The following AGBL4 variants were observed in gnomAD, a reference collection of about 807,000 sequenced individuals.
The protein encoded by AGBL4 is AGBL carboxypeptidase 4.
A neutral mutation model predicts 66.4 loss-of-function variants in AGBL4; 58 were observed. The ratio of observed to expected loss-of-function variants is 0.87; its 90% CI spans 0.71 to 1.09. The LOEUF is 1.09. Among genes scored for constraint, AGBL4 ranks in the 50% least tolerant of loss-of-function variants. The probability of loss-of-function intolerance (pLI) is 0.00; values close to 1 mark genes in which losing one functional copy is unlikely to be tolerated. For synonymous variants in AGBL4, 234 were observed against 222.9 expected (o/e 1.05, Z -0.44); for missense variants, 579 against 631.0 (o/e 0.92, Z 0.88).
In AGBL4 at chr1:48,944,687, A is replaced by G. The variant is rs183249505; in HGVS notation, c.595-77457T>C. Among the ~76,000 whole-genome samples the G allele has an allele frequency of 2.9e-3, 443 of 152,034 alleles. 2 individuals carry two copies. The highest frequency in any genetic ancestry group is 0.01 in the African/African-American group (424 of 41,468). Reference sequence around the variant, plus strand: ...TGTTTTCTGCAAACTGCCCCCCGCAACCCTTCTCCTACCCCCAGGGGATTC... The same window carrying G: ...TGTTTTCTGCAAACTGCCCCCCGCAGCCCTTCTCCTACCCCCAGGGGATTC... On this transcript the variant is annotated intron_variant, in intron 5 of 13. Coordinates refer to ENST00000371839, the MANE Select transcript of AGBL4 (RefSeq NM_032785.4).
intron 5 of AGBL4, among the ~76,000 whole-genome samples, chr1:48,945,452 A>C (rs978184838): frequency 2.0e-5 from 3 of 152,158 alleles, no homozygotes; most frequent in Non-Finnish European, 4.4e-5. Context: ...CATTTGCCCA[A>C]ACACCTGGGG....
intron 2 of AGBL4, among the ~76,000 whole-genome samples, chr1:49,829,276 G>A (rs1015667911): frequency 3.3e-5 from 5 of 152,140 alleles, no homozygotes; most frequent in South Asian, 4.1e-4. Context: ...TTAAAGATAC[G>A]TAAGCTGAAC....
intron 6 of AGBL4, among the ~76,000 whole-genome samples, chr1:48,820,851 T>C (rs1400816515): frequency 6.6e-6 from 1 of 152,132 alleles, no homozygotes; most frequent in Admixed American, 6.6e-5. Flanking sequence ...GAAATATGTG[T>C]CTGACAAAGG....
At chr1:49,313,916 G>C (rs907491604) in intron 3 of AGBL4, among the ~76,000 whole-genome samples, 1 of 152,104 alleles carries the variant, frequency 6.6e-6, no homozygotes, top group African/African-American at 2.4e-5. Context: ...CATTGCTTTT[G>C]GTGTTTTATT....
At chr1:49,890,631 C>A (rs899454701) in intron 1 of AGBL4, among the ~76,000 whole-genome samples, 2 of 152,184 alleles carry the variant, frequency 1.3e-5, no homozygotes, top group Non-Finnish European at 2.9e-5. Context: ...ATTTCCCAGT[C>A]TCCCTTGCAT....
intron 1 of AGBL4, chr1:49,995,061 G>A (rs1356161749): frequency 1.3e-5 from 6 of 451,076 alleles, no homozygotes; most frequent in Middle Eastern, 1.0e-3. Context: ...ACTAGAATTG[G>A]GGAAAGACTA....
intron 3 of AGBL4, among the ~76,000 whole-genome samples, chr1:49,569,818 T>C (rs762336687): frequency 6.6e-6 from 1 of 152,086 alleles, no homozygotes; most frequent in Admixed American, 6.6e-5. Flanking sequence ...CTCTCACTTA[T>C]GAGTGAGAAC....
intron 5 of AGBL4, among the ~76,000 whole-genome samples, chr1:48,881,907 T>C (rs1444418234): frequency 6.6e-6 from 1 of 152,192 alleles, no homozygotes; most frequent in Non-Finnish European, 1.5e-5. Flanking sequence ...AGATCCCCCA[T>C]GAGGCTTTGA....
intron 2 of AGBL4, among the ~76,000 whole-genome samples, chr1:49,701,726 A>G (rs1052667924): frequency 2.0e-5 from 3 of 152,170 alleles, no homozygotes; most frequent in African/African-American, 7.2e-5. Context: ...AACAAAAGTG[A>G]CAACTTTAAA....
chr1:49,402,767 A>T (rs780484649), intron 3 of AGBL4, among the ~76,000 whole-genome samples: 1 of 152,108 alleles, frequency 6.6e-6, no homozygotes, highest in Non-Finnish European at 1.5e-5. Context: ...GAGTTTCTCC[A>T]TGTTGGTCAG....
intron 3 of AGBL4, among the ~76,000 whole-genome samples, chr1:49,439,369 T>C (rs1369259718): frequency 6.6e-6 from 1 of 152,236 alleles, no homozygotes; most frequent in Non-Finnish European, 1.5e-5. Context: ...TTCTCAGGAA[T>C]AAGACTGTAC....
At chr1:49,130,874 G>A (rs1645878732) in intron 4 of AGBL4, among the ~76,000 whole-genome samples, 1 of 151,998 alleles carries the variant, frequency 6.6e-6, no homozygotes, top group Admixed American at 6.6e-5. Flanking sequence ...TATTTATAAA[G>A]TTAAAAATAT....
intron 1 of AGBL4, among the ~76,000 whole-genome samples, chr1:49,937,179 G>T (rs1207220275): frequency 6.6e-6 from 1 of 152,002 alleles, no homozygotes; most frequent in Non-Finnish European, 1.5e-5. Context: ...AAAAAGGCAA[G>T]GGTTGCAATC....
chr1:50,003,525 TC>T (rs1660916245), intron 1 of AGBL4, among the ~76,000 whole-genome samples: 1 of 152,232 alleles, frequency 6.6e-6, no homozygotes, highest in Non-Finnish European at 1.5e-5. Context: ...GACTATTTCT[TC>T]TTTTCAGCAC....
intron 11 of AGBL4, among the ~76,000 whole-genome samples, chr1:48,570,213 T>C (rs1644538252): frequency 6.6e-6 from 1 of 152,226 alleles, no homozygotes; most frequent in African/African-American, 2.4e-5. Context: ...CCCTCAACAA[T>C]CACCTTCCGG....
At chr1:49,587,991 C>A (rs1290066455) in intron 3 of AGBL4, among the ~76,000 whole-genome samples, 2 of 152,028 alleles carry the variant, frequency 1.3e-5, no homozygotes, top group African/African-American at 4.8e-5. Flanking sequence ...TTCTTAAAAT[C>A]TCTCAATGAT....
At chr1:49,948,972 A>T (rs1161415037) in intron 1 of AGBL4, among the ~76,000 whole-genome samples, 1 of 151,864 alleles carries the variant, frequency 6.6e-6, no homozygotes, top group African/African-American at 2.4e-5. Flanking sequence ...AGTCACCAAA[A>T]CAGCATAGTA....
chr1:49,159,076 T>C (rs939718533), intron 4 of AGBL4, among the ~76,000 whole-genome samples: 6 of 151,648 alleles, frequency 4.0e-5, no homozygotes, highest in African/African-American at 1.2e-4. Context: ...TAAGTTAATA[T>C]TGTTATGTGT....
chr1:49,392,855 T>G (rs1205032376), intron 3 of AGBL4, among the ~76,000 whole-genome samples: 1 of 152,240 alleles, frequency 6.6e-6, no homozygotes, highest in African/African-American at 2.4e-5. Flanking sequence ...GAAGTTTCCA[T>G]GTTTTTCATG....
Sources: gnomAD v4.1 joint callset for allele counts (sites outside exome capture counted in the v4.1 genomes callset) on GRCh38, gnomAD v4.1.1 for gene constraint, MANE v1.5 for transcripts, NCBI Gene and HGNC (gene_info 2026-07-23, HGNC 2026-07-21) for gene names.